The following PKD2L2 variants were observed in gnomAD, a reference collection of about 807,000 sequenced individuals.
PKD2L2 encodes the protein polycystin-2-like protein 2.
PKD2L2 carries 67 observed loss-of-function variants against 83.9 expected under a neutral mutation model. That is an observed-to-expected ratio of 0.80 (90% CI 0.66 to 0.98). The LOEUF (loss-of-function observed/expected upper bound fraction) is 0.98, where lower values mean the gene tolerates loss of function less well. PKD2L2 is among the 50% of genes least tolerant of loss of function. The probability of loss-of-function intolerance (pLI) is 0.00; values close to 1 mark genes in which losing one functional copy is unlikely to be tolerated. For synonymous variants in PKD2L2, 223 were observed against 237.8 expected, an observed-to-expected ratio of 0.94 and a Z score of 0.57; for missense variants, 632 against 717.2, an observed-to-expected ratio of 0.88 and a Z score of 1.36.
intron 12 of PKD2L2, among the ~76,000 whole-genome samples, chr5:137,935,542 G>T (rs79929023): frequency 0.014 from 2,119 of 152,328 alleles, 38 homozygotes; most frequent in African/African-American, 0.047. Flanking sequence ...AAAAGGCAGT[G>T]AAATGTAATT....
At chr5:137,896,102 A>G (rs571079782) in intron 4 of PKD2L2, among the ~76,000 whole-genome samples, 6 of 151,920 alleles carry the variant, frequency 3.9e-5, no homozygotes, top group Non-Finnish European at 7.4e-5. Flanking sequence ...GCTTGAACCC[A>G]GGAGGCACAG....
At chr5:137,926,251 G>T (rs1158044449) in intron 12 of PKD2L2, among the ~76,000 whole-genome samples, 1 of 151,892 alleles carries the variant, frequency 6.6e-6, no homozygotes, top group Admixed American at 6.6e-5. Context: ...CTAATGTGAT[G>T]AATTACTTTA....
At position 137,890,517 on chromosome 5, in the gene PKD2L2, T is replaced by C; in HGVS notation, c.68T>C (p.Val23Ala). 6.3e-7 allele frequency: 1 copy of C among 1,591,734 alleles called. No homozygotes were observed. ...SKHKLHYRKE[V>A]EITTTLQELL... ...CATAAGTTGCATTACAGAAAGGAAG[T>C]AGAAATTACAACCACACTTCAGGAA... Residue 23 changes from valine to alanine, a missense_variant, in exon 2 of 15, where the codon GTA (valine) becomes GCA (alanine). This residue lies in a region of PKD2L2 where 229 missense variants were observed against 281.5 expected (regional missense o/e 0.81). Transcript: ENST00000508883.
intron 8 of PKD2L2, among the ~76,000 whole-genome samples, chr5:137,916,521 T>G (rs1481837756): frequency 7.9e-6 from 1 of 126,520 alleles, no homozygotes; most frequent in African/African-American, 2.9e-5. Flanking sequence ...GCGCTTTCAC[T>G]CAGGCTGGAG....
intron 14 of PKD2L2, chr5:137,939,540 G>T (rs555642739): frequency 4.0e-4 from 63 of 157,548 alleles, no homozygotes; most frequent in African/African-American, 1.5e-3. Flanking sequence ...TGTGTGATGT[G>T]TGGTGTGTGT....
rs575018813 is a variant in PKD2L2 at position 137,913,166 on chromosome 5, C to T, written c.1328+4220C>T. On this transcript the variant is annotated intron_variant, in intron 8 of 14. Transcript: ENST00000508883. ...CTGGGATTAAAGGCGTGAGCCACCG[C>T]GCCCAGCCTTCTTTTTTCTTTTTTT... 1.2e-3 allele frequency among the ~76,000 whole-genome samples: 185 copies of T among 148,378 alleles called. 4 individuals are homozygous for T. Among genetic ancestry groups the T allele is most frequent in the Middle Eastern group, 0.011 (3 of 282 alleles).
chr5:137,902,709 A>G (rs1013372351), intron 5 of PKD2L2, among the ~76,000 whole-genome samples: 5 of 152,214 alleles, frequency 3.3e-5, no homozygotes, highest in African/African-American at 7.2e-5. Context: ...AGTGACATCA[A>G]TGACATATAA....
At chr5:137,941,582 A>T (rs1295897274) in intron 14 of PKD2L2, among the ~76,000 whole-genome samples, 1 of 152,224 alleles carries the variant, frequency 6.6e-6, no homozygotes, top group Non-Finnish European at 1.5e-5. Flanking sequence ...AAAATAAAAA[A>T]TCCAAACTAG....
chr5:137,895,472 T>TAA (rs756004179), intron 4 of PKD2L2, among the ~76,000 whole-genome samples: 26 of 65,820 alleles, frequency 4.0e-4, no homozygotes, highest in Admixed American at 1.7e-3. Context: ...ACCTTGTCCC[T>TAA]AAAAAAAAAA....
At chr5:137,908,599 A>G (rs1757553199) in intron 7 of PKD2L2, among the ~76,000 whole-genome samples, 166 bp from the exon 8 acceptor site, 1 of 152,116 alleles carries the variant, frequency 6.6e-6, no homozygotes, top group Non-Finnish European at 1.5e-5. Context: ...TCAAAAAAAA[A>G]AAACAGAAGT....
chr5:137,939,525 TTC>T (rs1463250195), intron 14 of PKD2L2: 5 of 155,056 alleles, frequency 3.2e-5, no homozygotes, highest in African/African-American at 4.8e-5. Flanking sequence ...TATGATTCAG[TTC>T]TGTGTGTGAT....
chr5:137,894,531 C>T lies in PKD2L2; in HGVS notation c.446C>T (p.Ser149Phe). The change falls in exon 4 of 15, where the codon TCT becomes TTT. Residue 149 changes from serine (S) to phenylalanine (F), a missense_variant. Ser to Phe is a radical substitution (Grantham distance 155). This residue lies in a region of PKD2L2 where 229 missense variants were observed against 281.5 expected (regional missense o/e 0.81). Transcript: ENST00000508883. ...TGCAAAGTCTATTCATCTTTTCAGT[C>T]TTTGATGAGTGAATGTTATGGCAAA... The part of the protein sequence containing the change: ...NTCKVYSSFQ[S>F]LMSECYGKYT... The T allele has an allele frequency of 1.2e-6, 2 of 1,613,410 alleles. No individual in the cohort carries two copies. The highest frequency in any genetic ancestry group is 1.7e-6 in the Non-Finnish European group (2 of 1,179,396).
intron 2 of PKD2L2, 109 bp from the exon 3 acceptor site, chr5:137,892,370 TA>T (rs1308277272): frequency 1.1e-5 from 5 of 471,404 alleles, no homozygotes; most frequent in Non-Finnish European, 1.4e-5. Context: ...CTTTTATAAT[TA>T]GATTAATAAA....
chr5:137,905,566 T>G (rs1045230435), intron 5 of PKD2L2, among the ~76,000 whole-genome samples: 13 of 152,320 alleles, frequency 8.5e-5, no homozygotes, highest in Admixed American at 2.0e-4. Flanking sequence ...TGCCACCAAT[T>G]CTTAATTATC....
At position 137,906,367 on chromosome 5, in the gene PKD2L2, A is replaced by G; in HGVS notation, c.908A>G (p.Lys303Arg). The G allele has an allele frequency of 6.2e-7, 1 of 1,611,180 alleles. No homozygotes were observed. The highest frequency in any genetic ancestry group is 2.2e-5 in the East Asian group (1 of 44,836). Reference sequence around the variant, plus strand: ...GTCTTCACAACACAAGAAGTCAAAAAAATAAAAGAATTTAAGTCTGCCTAT... The same window carrying G: ...GTCTTCACAACACAAGAAGTCAAAAGAATAAAAGAATTTAAGTCTGCCTAT... The part of the protein sequence containing the change: ...LFVFTTQEVK[K>R]IKEFKSAYFK... Residue 303 changes from lysine (K) to arginine (R), a missense_variant, in exon 6 of 15, where the codon AAA becomes AGA. Physicochemically the swap from Lys to Arg is conservative, Grantham distance 26. This residue lies in a region of PKD2L2 where 399 missense variants were observed against 416.9 expected (regional missense o/e 0.96). Transcript: ENST00000508883.
At chr5:137,907,659 T>G in intron 6 of PKD2L2, 83 bp from the exon 7 acceptor site, 1 of 772,466 alleles carries the variant, frequency 1.3e-6, no homozygotes, top group South Asian at 4.1e-5. Flanking sequence ...TTTGATGAAC[T>G]TTTTTTGTGT....
chr5:137,898,260 C>T (rs1168939156), intron 4 of PKD2L2, among the ~76,000 whole-genome samples: 1 of 152,162 alleles, frequency 6.6e-6, no homozygotes, highest in African/African-American at 2.4e-5. Context: ...AGCCATTGCA[C>T]GGGATCCAAA....
intron 12 of PKD2L2, among the ~76,000 whole-genome samples, chr5:137,928,383 C>CAA (rs57825667): frequency 9.0e-6 from 1 of 111,492 alleles, no homozygotes; most frequent in Non-Finnish European, 1.8e-5. Context: ...ACAAAAAGTA[C>CAA]AAAAAAAAAA....
At chr5:137,908,356 G>A (rs1358028049) in intron 7 of PKD2L2, among the ~76,000 whole-genome samples, 1 of 152,216 alleles carries the variant, frequency 6.6e-6, no homozygotes, top group East Asian at 1.9e-4. Flanking sequence ...GGGAGGCTGA[G>A]GTGGGCGGAT....
Sources: allele counts gnomAD v4.1 joint callset (sites outside exome capture counted in the v4.1 genomes callset), GRCh38; gene constraint gnomAD v4.1.1; regional missense constraint gnomAD v4.1.1; transcripts MANE v1.5; gene names NCBI Gene and HGNC (gene_info 2026-07-23, HGNC 2026-07-21).